The following SLC16A7 variants were observed in gnomAD, a reference collection of about 807,000 sequenced individuals.
The protein encoded by SLC16A7 is monocarboxylate transporter 2.
SLC16A7 carries 33 observed loss-of-function variants against 34.9 expected under a neutral mutation model. That is an observed-to-expected ratio of 0.94 (90% CI 0.72 to 1.26). The LOEUF (loss-of-function observed/expected upper bound fraction) is 1.26, where lower values mean the gene tolerates loss of function less well. SLC16A7 is among the 50% of genes most tolerant of loss of function. SLC16A7 has a pLI of 0.00. For synonymous variants in SLC16A7, 201 were observed against 206.6 expected, an observed-to-expected ratio of 0.97 and a Z score of 0.23; for missense variants, 573 against 578.1, an observed-to-expected ratio of 0.99 and a Z score of 0.09.
chr12:59,739,105 C>T (rs183044577), intron 3 of SLC16A7, among the ~76,000 whole-genome samples: 155 of 150,956 alleles, frequency 1.0e-3, no homozygotes, highest in South Asian at 2.1e-3. Flanking sequence ...GGTTTAGTTA[C>T]ATGTGTATAC....
Position 59,673,411 on chromosome 12 carries a change from C to T in SLC16A7, c.-31+18161C>T, listed in dbSNP as rs138815445. On this transcript the variant is annotated intron_variant, in intron 2 of 5. Transcript: ENST00000547379. ...AATAAGTGACTCCCATGATGTTGAACAAAATTAAGCCCTAACTCAGTAGGT... is the reference window on the plus strand; with the variant it reads ...AATAAGTGACTCCCATGATGTTGAATAAAATTAAGCCCTAACTCAGTAGGT... 2.5e-3 allele frequency among the ~76,000 whole-genome samples: 372 copies of T among 150,682 alleles called. 1 individual carries two copies. Among genetic ancestry groups the T allele is most frequent in the African/African-American group, 8.6e-3 (352 of 41,130 alleles).
intron 1 of SLC16A7, among the ~76,000 whole-genome samples, chr12:59,599,534 AG>A (rs1470983211): frequency 6.6e-6 from 1 of 152,216 alleles, no homozygotes; most frequent in Non-Finnish European, 1.5e-5. Flanking sequence ...ACCATAATGC[AG>A]GGGCACTGGA....
chr12:59,750,976 C>A (rs1879464189), intron 3 of SLC16A7, among the ~76,000 whole-genome samples: 1 of 151,848 alleles, frequency 6.6e-6, no homozygotes, highest in Non-Finnish European at 1.5e-5. Flanking sequence ...AAACCAAACA[C>A]CACATGTTCT....
chr12:59,777,404 T>C (rs1168365957), intron 5 of SLC16A7, among the ~76,000 whole-genome samples: 1 of 152,092 alleles, frequency 6.6e-6, no homozygotes, highest in Admixed American at 6.6e-5. Context: ...TTTTGAATGA[T>C]TGAATATTAT....
intron 1 of SLC16A7, among the ~76,000 whole-genome samples, chr12:59,644,340 G>A (rs983560417): frequency 2.6e-5 from 4 of 152,104 alleles, no homozygotes; most frequent in Non-Finnish European, 1.5e-5. Flanking sequence ...GCTGAGGTGG[G>A]TGGATTACTT....
chr12:59,703,871 C>T (rs1873179160), intron 2 of SLC16A7, among the ~76,000 whole-genome samples: 2 of 152,006 alleles, frequency 1.3e-5, no homozygotes, highest in African/African-American at 2.4e-5. Context: ...TATAACAAAA[C>T]ATGTTTTACA....
chr12:59,770,499 T>A (rs1292978386), intron 3 of SLC16A7, among the ~76,000 whole-genome samples: 2 of 152,214 alleles, frequency 1.3e-5, no homozygotes, highest in Non-Finnish European at 2.9e-5. Context: ...TATATTCATT[T>A]TTCAAATGCT....
At chr12:59,689,712 T>C (rs951124508) in intron 2 of SLC16A7, among the ~76,000 whole-genome samples, 3 of 152,040 alleles carry the variant, frequency 2.0e-5, no homozygotes, top group African/African-American at 7.2e-5. Context: ...TCTTCCGTAG[T>C]GCCAGTTAAT....
chr12:59,757,443 T>C (rs968971404), intron 3 of SLC16A7, among the ~76,000 whole-genome samples: 3 of 152,118 alleles, frequency 2.0e-5, no homozygotes, highest in Non-Finnish European at 4.4e-5. Flanking sequence ...CAAATTGACA[T>C]TAGATAATCT....
intron 1 of SLC16A7, among the ~76,000 whole-genome samples, chr12:59,652,103 A>G (rs559593214): frequency 6.6e-6 from 1 of 152,180 alleles, no homozygotes; most frequent in South Asian, 2.1e-4. Flanking sequence ...CCTTGGATTT[A>G]CATAGTTTTA....
intron 1 of SLC16A7, among the ~76,000 whole-genome samples, chr12:59,637,521 A>T (rs1031890362): frequency 6.6e-6 from 1 of 151,626 alleles, no homozygotes; most frequent in Admixed American, 6.6e-5. Flanking sequence ...ACCTTTTCTC[A>T]TACATCAGTC....
intron 2 of SLC16A7, among the ~76,000 whole-genome samples, chr12:59,683,874 A>G (rs1383496792): frequency 3.3e-5 from 5 of 152,194 alleles, no homozygotes; most frequent in Non-Finnish European, 5.9e-5. Flanking sequence ...GTGAGAAACC[A>G]AGGACTGCAA....
chr12:59,682,962 A>T (rs1230470199), intron 2 of SLC16A7, among the ~76,000 whole-genome samples: 1 of 152,108 alleles, frequency 6.6e-6, no homozygotes, highest in Non-Finnish European at 1.5e-5. Flanking sequence ...GCTACTCAGG[A>T]GGCTGAGGCA....
At chr12:59,743,260 T>C (rs571236420) in intron 3 of SLC16A7, among the ~76,000 whole-genome samples, 2 of 152,356 alleles carry the variant, frequency 1.3e-5, no homozygotes, top group South Asian at 4.1e-4. Context: ...ATTATTTACC[T>C]ATAAATCAAA....
Position 59,606,375 on chromosome 12 carries a change from C to G in SLC16A7, c.-130+10139C>G, listed in dbSNP as rs541784269. On this transcript the variant is annotated intron_variant, in intron 1 of 5. Transcript: ENST00000547379. Reference sequence around the variant, plus strand: ...TTAGATGTGATAGCGCACATAAACACACGTAAAAACTACCACAAAGAGCAA... The same window carrying G: ...TTAGATGTGATAGCGCACATAAACAGACGTAAAAACTACCACAAAGAGCAA... Among the ~76,000 whole-genome samples the G allele has an allele frequency of 1.1e-4, 16 of 152,268 alleles. No individual in the cohort carries two copies. In the South Asian group the frequency reaches 2.9e-3, roughly 28 times the overall value.
At chr12:59,700,979 G>A (rs375095691) in intron 2 of SLC16A7, among the ~76,000 whole-genome samples, 4 of 151,456 alleles carry the variant, frequency 2.6e-5, no homozygotes, top group Middle Eastern at 3.4e-3. Flanking sequence ...TTTTTTCGAC[G>A]CTCAAGATGA....
intron 2 of SLC16A7, among the ~76,000 whole-genome samples, chr12:59,699,097 T>A (rs1049427973): frequency 6.6e-6 from 1 of 151,592 alleles, no homozygotes; most frequent in Non-Finnish European, 1.5e-5. Flanking sequence ...TCTTTACGTA[T>A]TTTTTTATTT....
chr12:59,736,020 A>G, intron 3 of SLC16A7: 2 of 632,962 alleles, frequency 3.2e-6, no homozygotes, highest in South Asian at 3.6e-5. Flanking sequence ...CATTATTTTA[A>G]TGTATGGTTT....
At chr12:59,607,436 A>G (rs1878997105) in intron 1 of SLC16A7, among the ~76,000 whole-genome samples, 1 of 152,194 alleles carries the variant, frequency 6.6e-6, no homozygotes, top group South Asian at 2.1e-4. Flanking sequence ...TATTTTTTGT[A>G]AGCATCTGGG....
Sources: allele counts gnomAD v4.1 joint callset (sites outside exome capture counted in the v4.1 genomes callset), GRCh38; gene constraint gnomAD v4.1.1; transcripts MANE v1.5; gene names NCBI Gene and HGNC (gene_info 2026-07-23, HGNC 2026-07-21).